The following BCAR3 variants were observed in gnomAD, a reference collection of about 807,000 sequenced individuals.
The protein encoded by BCAR3 is breast cancer anti-estrogen resistance protein 3.
Under a neutral mutation model 80.1 loss-of-function variants are expected in BCAR3, and 37 were observed. The ratio of observed to expected loss-of-function variants is 0.46; its 90% CI spans 0.36 to 0.61. The LOEUF (loss-of-function observed/expected upper bound fraction) is 0.61. Among genes scored for constraint, BCAR3 ranks in the 20% least tolerant of loss-of-function variants. The probability of loss-of-function intolerance (pLI) is 0.00; values close to 1 mark genes in which losing one functional copy is unlikely to be tolerated. For missense variants in BCAR3, 978 were observed against 1,068.2 expected, an observed-to-expected ratio of 0.92 and a Z score of 1.18; for synonymous variants, 389 against 418.9, an observed-to-expected ratio of 0.93 and a Z score of 0.87.
chr1:93,749,439 A>G lies in BCAR3; in HGVS notation c.-62-43297T>C, dbSNP rs376309158. On this transcript the variant is annotated intron_variant, in intron 2 of 13. Transcript: ENST00000370244. ...CCGTCTCTACTAAAAGTACAAAAAAATTAGCCAGGCATGGTGACAGGAGCC... is the reference window on the plus strand; with the variant it reads ...CCGTCTCTACTAAAAGTACAAAAAAGTTAGCCAGGCATGGTGACAGGAGCC... Among the ~76,000 whole-genome samples the G allele has an allele frequency of 6.6e-5, 10 of 152,136 alleles. No individual in the cohort carries two copies. In the South Asian group the frequency reaches 2.1e-3, roughly 32 times the overall value.
At chr1:93,767,574 G>A (rs1184404592) in intron 2 of BCAR3, among the ~76,000 whole-genome samples, 1 of 151,266 alleles carries the variant, frequency 6.6e-6, no homozygotes, top group African/African-American at 2.4e-5. Flanking sequence ...CCACATAAAT[G>A]TATTACACCT....
At chr1:93,822,507 T>C (rs1654263654) in intron 2 of BCAR3, among the ~76,000 whole-genome samples, 1 of 152,072 alleles carries the variant, frequency 6.6e-6, no homozygotes, top group Non-Finnish European at 1.5e-5. Flanking sequence ...GCCTGGCTAA[T>C]TTTTATATTT....
chr1:93,724,787 C>T (rs1324366480), intron 2 of BCAR3, among the ~76,000 whole-genome samples: 1 of 152,190 alleles, frequency 6.6e-6, no homozygotes, highest in Non-Finnish European at 1.5e-5. Context: ...CCTGACCTGC[C>T]ACTGGTATCT....
At chr1:93,841,291 A>G (rs1222238033) in intron 2 of BCAR3, among the ~76,000 whole-genome samples, 2 of 152,226 alleles carry the variant, frequency 1.3e-5, no homozygotes, top group Non-Finnish European at 2.9e-5. Context: ...TGCAAGGTCC[A>G]TGGCAGCAAG....
intron 2 of BCAR3, among the ~76,000 whole-genome samples, chr1:93,666,572 G>T (rs563536607): frequency 6.6e-6 from 1 of 152,108 alleles, no homozygotes; most frequent in African/African-American, 2.4e-5. Flanking sequence ...CATCTATTTC[G>T]TGCTTCACTA....
chr1:93,727,011 T>C (rs144832500), intron 2 of BCAR3, among the ~76,000 whole-genome samples: 3 of 152,354 alleles, frequency 2.0e-5, no homozygotes, highest in African/African-American at 7.2e-5. Flanking sequence ...TTTGTAGAAA[T>C]CCTTGCAGAG....
At chr1:93,768,629 G>A (rs1315912978) in intron 2 of BCAR3, among the ~76,000 whole-genome samples, 1 of 152,118 alleles carries the variant, frequency 6.6e-6, no homozygotes, top group Non-Finnish European at 1.5e-5. Flanking sequence ...AAAATATGAA[G>A]GGGAAAAAAG....
At chr1:93,585,312 T>C (rs1673897954) in intron 5 of BCAR3, 1 of 583,002 alleles carries the variant, frequency 1.7e-6, no homozygotes, top group Non-Finnish European at 2.2e-6. Flanking sequence ...CCATGAGCCA[T>C]CTTTTCCCCT....
At chr1:93,771,185 G>A (rs1398411290) in intron 2 of BCAR3, among the ~76,000 whole-genome samples, 1 of 152,170 alleles carries the variant, frequency 6.6e-6, no homozygotes, top group African/African-American at 2.4e-5. Flanking sequence ...GAAATGGAAA[G>A]ATGAGGAAAC....
chr1:93,724,486 C>A (rs1650511764), intron 2 of BCAR3, among the ~76,000 whole-genome samples: 1 of 152,220 alleles, frequency 6.6e-6, no homozygotes, highest in Non-Finnish European at 1.5e-5. Context: ...CTGCAGAGTT[C>A]AGAAAGCTGC....
At chr1:93,790,026 G>A (rs1388063398) in intron 2 of BCAR3, among the ~76,000 whole-genome samples, 1 of 152,092 alleles carries the variant, frequency 6.6e-6, no homozygotes, top group Non-Finnish European at 1.5e-5. Flanking sequence ...GGGAGTGTGT[G>A]GGACAAAATG....
intron 11 of BCAR3, among the ~76,000 whole-genome samples, chr1:93,564,545 T>A (rs1672860650): frequency 6.6e-6 from 1 of 152,186 alleles, no homozygotes; most frequent in African/African-American, 2.4e-5. Flanking sequence ...CCCAAAATGC[T>A]GGGATTACAG....
At chr1:93,620,358 A>G (rs746382341) in intron 3 of BCAR3, among the ~76,000 whole-genome samples, 1 of 152,132 alleles carries the variant, frequency 6.6e-6, no homozygotes, top group African/African-American at 2.4e-5. Context: ...AGGATTGTCT[A>G]CTCCAGAGTC....
chr1:93,774,879 A>G (rs1464102262), intron 2 of BCAR3, among the ~76,000 whole-genome samples: 1 of 152,246 alleles, frequency 6.6e-6, no homozygotes, highest in African/African-American at 2.4e-5. Flanking sequence ...ATCTGGCAAG[A>G]GATGTCTTGT....
At chr1:93,638,333 T>C (rs1344585274) in intron 3 of BCAR3, among the ~76,000 whole-genome samples, 2 of 152,196 alleles carry the variant, frequency 1.3e-5, no homozygotes, top group African/African-American at 4.8e-5. Context: ...TGGACAGCTA[T>C]CTGGGAAGGG....
intron 5 of BCAR3, chr1:93,585,196 G>A (rs965394894): frequency 7.1e-5 from 70 of 985,436 alleles, no homozygotes; most frequent in Admixed American, 6.1e-5. Flanking sequence ...CTTCGCCCAG[G>A]GCAGGCCACC....
At chr1:93,778,836 G>A (rs1652663136) in intron 2 of BCAR3, among the ~76,000 whole-genome samples, 2 of 152,106 alleles carry the variant, frequency 1.3e-5, no homozygotes, top group African/African-American at 2.4e-5. Flanking sequence ...CTCCCCTGTT[G>A]TGGTTCTCAT....
intron 2 of BCAR3, among the ~76,000 whole-genome samples, chr1:93,728,544 G>A (rs1650675977): frequency 6.6e-6 from 1 of 152,206 alleles, no homozygotes; most frequent in Non-Finnish European, 1.5e-5. Context: ...GAGAATGAGT[G>A]CAAGGTTTTA....
chr1:93,618,517 A>G (rs886471671), intron 3 of BCAR3, among the ~76,000 whole-genome samples: 1 of 152,260 alleles, frequency 6.6e-6, no homozygotes, highest in Non-Finnish European at 1.5e-5. Flanking sequence ...TTAAAATTGT[A>G]TAACTGAGTA....
Sources: gnomAD v4.1 joint callset for allele counts (sites outside exome capture counted in the v4.1 genomes callset) on GRCh38, gnomAD v4.1.1 for gene constraint, MANE v1.5 for transcripts, NCBI Gene and HGNC (gene_info 2026-07-23, HGNC 2026-07-21) for gene names.